DPY19L1: variants seen among roughly 807,000 people sequenced by gnomAD.
DPY19L1 encodes the protein protein C-mannosyl-transferase DPY19L1.
Under a neutral mutation model 96.9 loss-of-function variants are expected in DPY19L1, and 35 were observed. The ratio of observed to expected loss-of-function variants is 0.36; its 90% CI spans 0.28 to 0.48. DPY19L1 has a LOEUF of 0.48. Among genes scored for constraint, DPY19L1 ranks in the 20% least tolerant of loss-of-function variants. The pLI is 0.99. For synonymous variants in DPY19L1, 205 were observed against 252.6 expected (o/e 0.81, Z 1.79); for missense variants, 521 against 777.9 (o/e 0.67, Z 3.93).
At chr7:34,962,636 G>A (rs759113000) in intron 10 of DPY19L1, among the ~76,000 whole-genome samples, 1 of 151,984 alleles carries the variant, frequency 6.6e-6, no homozygotes, top group Non-Finnish European at 1.5e-5. Flanking sequence ...GGTCAAGGCT[G>A]TGGTGAGCCA....
chr7:34,934,556 C>T (rs1198232913), intron 21 of DPY19L1, among the ~76,000 whole-genome samples: 1 of 152,182 alleles, frequency 6.6e-6, no homozygotes, highest in African/African-American at 2.4e-5. Context: ...AACTAAACCT[C>T]TAGAGCAGCG....
intron 10 of DPY19L1, among the ~76,000 whole-genome samples, chr7:34,960,200 T>TA (rs1346532237): frequency 6.6e-6 from 1 of 151,688 alleles, no homozygotes; most frequent in Admixed American, 6.6e-5. Context: ...ATCAACTTAT[T>TA]AAGCTTCAAA....
intron 1 of DPY19L1, among the ~76,000 whole-genome samples, chr7:35,025,314 A>G (rs1204268736): frequency 6.6e-6 from 1 of 152,206 alleles, no homozygotes; most frequent in African/African-American, 2.4e-5. Context: ...AAAACATTAA[A>G]GAAACATAGC....
Position 34,976,611 on chromosome 7 carries a change from A to G in DPY19L1, c.823-3006T>C, listed in dbSNP as rs550668508. 1.3e-5 allele frequency among the ~76,000 whole-genome samples: 2 copies of G among 152,356 alleles called. 1 individual carries two copies. The highest frequency in any genetic ancestry group is 4.1e-4 in the South Asian group (2 of 4,834). On this transcript the variant is annotated intron_variant, in intron 7 of 21. Transcript: ENST00000638088. ...TATCAAACAGCATCACTTGCTACAGAGGAATCTTCTGTGAAAGAAAGAATC... is the reference window on the plus strand; with the variant it reads ...TATCAAACAGCATCACTTGCTACAGGGGAATCTTCTGTGAAAGAAAGAATC...
At chr7:34,974,633 A>G (rs528452527) in intron 7 of DPY19L1, among the ~76,000 whole-genome samples, 1 of 152,308 alleles carries the variant, frequency 6.6e-6, no homozygotes, top group East Asian at 1.9e-4. Context: ...CTAGAATGCA[A>G]TTTTTAAAAG....
intron 21 of DPY19L1, among the ~76,000 whole-genome samples, chr7:34,936,150 G>A (rs1385009168): frequency 5.9e-5 from 9 of 152,260 alleles, no homozygotes; most frequent in African/African-American, 1.9e-4. Context: ...GCTCGTAAGT[G>A]ACTTGAAGTC....
intron 11 of DPY19L1, 118 bp from the exon 12 acceptor site, chr7:34,955,485 G>T: frequency 7.7e-7 from 1 of 1,298,702 alleles, no homozygotes; most frequent in Non-Finnish European, 1.1e-6. Flanking sequence ...GCACATGGTT[G>T]ACTTTCCACA....
intron 16 of DPY19L1, among the ~76,000 whole-genome samples, chr7:34,945,370 C>G (rs1044718438): frequency 6.6e-6 from 1 of 152,162 alleles, no homozygotes; most frequent in South Asian, 2.1e-4. Context: ...AAACCACTCA[C>G]GTAATAATTT....
chr7:34,973,538 A>G lies in DPY19L1; in HGVS notation c.890T>C (p.Met297Thr). 3.9e-6 allele frequency: 6 copies of G among 1,545,716 alleles called. No homozygotes were observed. The highest frequency in any genetic ancestry group is 5.2e-6 in the Non-Finnish European group (6 of 1,145,718). ...SFSYPFLVLQMLLVTHILRAT... is the reference protein window; with the variant it reads ...SFSYPFLVLQTLLVTHILRAT... ...CCTGAGAATATGAGTCACTAGCAAC[A>G]TCTGAAGAACAAGAAATGGATATGA... The change falls in exon 8 of 22, where the codon ATG becomes ACG. Residue 297 changes from methionine to threonine, a missense_variant. Coordinates refer to ENST00000638088, the MANE Select transcript of DPY19L1 (RefSeq NM_001366673.1).
Position 34,954,912 on chromosome 7 carries a change from T to C in DPY19L1, c.1240-134A>G, listed in dbSNP as rs563275232. On this transcript the variant is annotated intron_variant, in intron 12 of 21. Transcript: ENST00000638088. Reference sequence around the variant, plus strand: ...ACAAGAGAAAATGCTAGAAAATGCATCTCAATTTAAAATCAAGCATGTTGC... The same window carrying C: ...ACAAGAGAAAATGCTAGAAAATGCACCTCAATTTAAAATCAAGCATGTTGC... 1.3e-4 allele frequency: 58 copies of C among 463,726 alleles called. No individual in the cohort carries two copies. In the East Asian group the frequency reaches 1.9e-3, roughly 15 times the overall value. The allele number at this position is 463,726 out of a possible 1,614,324, so 28.7% of individuals were successfully genotyped here.
At chr7:34,966,541 T>C (rs1784612258) in intron 10 of DPY19L1, among the ~76,000 whole-genome samples, 1 of 152,174 alleles carries the variant, frequency 6.6e-6, no homozygotes. Context: ...AACCCCACCT[T>C]GGCCTCTCAA....
chr7:34,960,134 T>C (rs1377841988), intron 10 of DPY19L1, among the ~76,000 whole-genome samples: 1 of 151,390 alleles, frequency 6.6e-6, no homozygotes, highest in Admixed American at 6.6e-5. Context: ...AAATAATCCA[T>C]ATTCTAGAAG....
intron 6 of DPY19L1, among the ~76,000 whole-genome samples, chr7:35,003,828 T>C (rs1280032683): frequency 6.6e-6 from 1 of 152,258 alleles, no homozygotes; most frequent in Admixed American, 6.5e-5. Flanking sequence ...AGAGCCAGTG[T>C]ACTGTAGTCT....
chr7:34,994,092 G>A (rs575965816), intron 6 of DPY19L1, among the ~76,000 whole-genome samples: 1 of 152,174 alleles, frequency 6.6e-6, no homozygotes, highest in African/African-American at 2.4e-5. Context: ...GACAACCAAT[G>A]TAAGAGTCAA....
At chr7:34,944,932 G>C (rs1256746423) in intron 16 of DPY19L1, among the ~76,000 whole-genome samples, 16 of 152,154 alleles carry the variant, frequency 1.1e-4, no homozygotes, top group Non-Finnish European at 2.4e-4. Flanking sequence ...TATAAGAAGT[G>C]AAAAGGTCTT....
chr7:34,971,368 T>C (rs1179856339), intron 8 of DPY19L1, among the ~76,000 whole-genome samples: 1 of 152,036 alleles, frequency 6.6e-6, no homozygotes, highest in Non-Finnish European at 1.5e-5. Flanking sequence ...AGCCCACACT[T>C]CCAAGCAACC....
intron 6 of DPY19L1, among the ~76,000 whole-genome samples, chr7:34,996,353 C>A (rs1785284066): frequency 6.6e-6 from 1 of 152,196 alleles, no homozygotes; most frequent in African/African-American, 2.4e-5. Flanking sequence ...CACTCCTCAA[C>A]TCCTACGCAG....
rs565289155 is a variant in DPY19L1 at position 34,935,204 on chromosome 7, A to C, written c.2090+2790T>G. 4.3e-4 allele frequency among the ~76,000 whole-genome samples: 66 copies of C among 152,288 alleles called. 1 individual carries two copies. The highest frequency in any genetic ancestry group is 1.4e-3 in the African/African-American group (57 of 41,540). ...ACACACAGAAAGTAGAGAACGACCC[A>C]CAGTTTTCCTGAGTTCAACAGCTTT... On this transcript the variant is annotated intron_variant, in intron 21 of 21. Transcript: ENST00000638088.
rs138591907 is a variant in DPY19L1, at chr7:34,997,114, T to A, written c.765-7173A>T. Among the ~76,000 whole-genome samples the A allele has an allele frequency of 7.9e-4, 121 of 152,232 alleles. 1 individual carries two copies. In the East Asian group the frequency reaches 0.02, roughly 26 times the overall value. Reference sequence around the variant, plus strand: ...TAGAGTAGACAGAAGTGTCATTTGCTGAGAGAGTGAAGACATAAAAAGGGG... The same window carrying A: ...TAGAGTAGACAGAAGTGTCATTTGCAGAGAGAGTGAAGACATAAAAAGGGG... On this transcript the variant is annotated intron_variant, in intron 6 of 21. Coordinates refer to ENST00000638088, the MANE Select transcript of DPY19L1 (RefSeq NM_001366673.1).
Sources: allele counts gnomAD v4.1 joint callset (sites outside exome capture counted in the v4.1 genomes callset), GRCh38; gene constraint gnomAD v4.1.1; transcripts MANE v1.5; gene names NCBI Gene and HGNC (gene_info 2026-07-23, HGNC 2026-07-21).